The following DMRT1 variants were observed in gnomAD, a reference collection of about 807,000 sequenced individuals.
DMRT1 encodes doublesex- and mab-3-related transcription factor 1.
In DMRT1, 7 loss-of-function variants were observed where a neutral mutation model predicts 32.3. That is an observed-to-expected ratio of 0.22 (90% CI 0.12 to 0.41). The LOEUF (loss-of-function observed/expected upper bound fraction) is 0.41. Ranked by LOEUF, DMRT1 falls within the 10% of genes least tolerant of loss-of-function variation. The pLI is 1.00. For missense variants in DMRT1, 625 were observed against 500.5 expected (o/e 1.25, Z -2.37); for synonymous variants, 278 against 206.1 (o/e 1.35, Z -2.99).
intron 3 of DMRT1, among the ~76,000 whole-genome samples, chr9:900,891 G>A (rs1038297379): frequency 1.3e-5 from 2 of 151,930 alleles, no homozygotes; most frequent in African/African-American, 4.8e-5. Context: ...GGGGGTCTCA[G>A]TGTGGTGCCG....
intron 4 of DMRT1, among the ~76,000 whole-genome samples, chr9:943,698 G>A (rs771448928): frequency 1.3e-5 from 2 of 152,150 alleles, no homozygotes; most frequent in Non-Finnish European, 2.9e-5. Flanking sequence ...AGGTCAGGGA[G>A]GAGTGTTGGA....
chr9:936,551 A>G (rs1818891389), intron 4 of DMRT1, among the ~76,000 whole-genome samples: 1 of 152,112 alleles, frequency 6.6e-6, no homozygotes, highest in Non-Finnish European at 1.5e-5. Flanking sequence ...CAGGAGTTCG[A>G]GACCAGCCTG....
At chr9:862,695 G>C (rs1354188597) in intron 2 of DMRT1, among the ~76,000 whole-genome samples, 1 of 152,078 alleles carries the variant, frequency 6.6e-6, no homozygotes, top group African/African-American at 2.4e-5. Context: ...AGAAAGGCTG[G>C]GACGGGAAGT....
Position 910,819 on chromosome 9 carries a change from CCACTGCT to C in DMRT1, c.823-5943_823-5937del, listed in dbSNP as rs1586605456. On this transcript the variant is annotated intron_variant, in intron 3 of 4. Transcript: ENST00000382276. ...AAACATGCCTCTTGCTTGCCAGTGA[CCACTGCT>C]AATAATAATAGTAGTCATCATTCAC... Among the ~76,000 whole-genome samples, 6 of 152,088 alleles carry C rather than the reference CCACTGCT, an allele frequency of 3.9e-5. No individual in the cohort carries two copies. The East Asian group carries it at 9.6e-4, about 24-fold the overall frequency.
At chr9:891,951 G>C (rs914869720) in intron 2 of DMRT1, among the ~76,000 whole-genome samples, 3 of 152,220 alleles carry the variant, frequency 2.0e-5, no homozygotes, top group Non-Finnish European at 4.4e-5. Flanking sequence ...GGACACAGTG[G>C]TGTGCCCGGA....
chr9:874,838 C>T (rs564852399), intron 2 of DMRT1, among the ~76,000 whole-genome samples: 20 of 130,880 alleles, frequency 1.5e-4, no homozygotes, highest in East Asian at 7.1e-4. Context: ...GATGGAGTCT[C>T]GCTCTGTCAC....
chr9:896,252 T>C (rs1817355604), intron 3 of DMRT1, among the ~76,000 whole-genome samples: 1 of 151,774 alleles, frequency 6.6e-6, no homozygotes, highest in Non-Finnish European at 1.5e-5. Context: ...AGTAAGAACA[T>C]TTTAAACTGA....
In DMRT1 at chr9:892,499, C is replaced by T. The variant is rs115197554; in HGVS notation, c.539-1413C>T. Among the ~76,000 whole-genome samples, 913 of 152,268 alleles carry T rather than the reference C, an allele frequency of 6.0e-3. 14 individuals are homozygous for T. The highest frequency in any genetic ancestry group is 0.021 in the African/African-American group (877 of 41,552). On this transcript the variant is annotated intron_variant, in intron 2 of 4. Transcript: ENST00000382276. ...ATCTTAATTCCTGGCAGCCCCTCAG[C>T]CCTCCAGTTCTGTTGCGTTTCATCC...
intron 4 of DMRT1, among the ~76,000 whole-genome samples, chr9:941,334 C>CG (rs796418617): frequency 8.4e-6 from 1 of 118,724 alleles, no homozygotes; most frequent in African/African-American, 4.5e-5. Context: ...CCCCCTCCCC[C>CG]CCCCCACACA....
chr9:872,674 C>G (rs997682644), intron 2 of DMRT1, among the ~76,000 whole-genome samples: 1 of 152,160 alleles, frequency 6.6e-6, no homozygotes, highest in Non-Finnish European at 1.5e-5. Context: ...CTTTTTATTA[C>G]TTATCAGTAT....
intron 2 of DMRT1, among the ~76,000 whole-genome samples, chr9:848,552 CTTTT>C (rs143346289): frequency 3.1e-5 from 3 of 97,014 alleles, no homozygotes; most frequent in Non-Finnish European, 4.2e-5. Flanking sequence ...TGTTTCCTTT[CTTTT>C]TTTTTTTTTT....
At chr9:851,934 A>G (rs962524002) in intron 2 of DMRT1, among the ~76,000 whole-genome samples, 6 of 132,352 alleles carry the variant, frequency 4.5e-5, no homozygotes, top group Admixed American at 4.1e-4. Flanking sequence ...GTTAGCAGGT[A>G]CACTTTTTTT....
chr9:849,006 GGATGTGTCACATGA>G (rs1477717647), intron 2 of DMRT1, among the ~76,000 whole-genome samples: 1 of 150,624 alleles, frequency 6.6e-6, no homozygotes, highest in Non-Finnish European at 1.5e-5. Context: ...ATGAGAAATG[GGATGTGTCACATGA>G]GTAAAGAGGG....
chr9:921,898 G>A (rs1025686378), intron 4 of DMRT1, among the ~76,000 whole-genome samples: 5 of 152,084 alleles, frequency 3.3e-5, no homozygotes, highest in Admixed American at 1.3e-4. Context: ...ACTGCATCAC[G>A]ACACAGCCCT....
chr9:844,719 CTTT>C (rs35980858), intron 1 of DMRT1, among the ~76,000 whole-genome samples: 6 of 116,892 alleles, frequency 5.1e-5, no homozygotes, highest in South Asian at 2.8e-4. Flanking sequence ...TTCTTTCTTT[CTTT>C]TTTTTTTTTT....
chr9:888,519 C>T (rs368636419), intron 2 of DMRT1, among the ~76,000 whole-genome samples: 8 of 152,134 alleles, frequency 5.3e-5, no homozygotes, highest in Non-Finnish European at 7.4e-5. Flanking sequence ...AGGTTGGTCT[C>T]GAACTCCTGG....
chr9:873,564 C>G (rs997246697), intron 2 of DMRT1, among the ~76,000 whole-genome samples: 3 of 152,098 alleles, frequency 2.0e-5, no homozygotes, highest in African/African-American at 7.2e-5. Flanking sequence ...GGTGATCCAC[C>G]CGCCTTGGCC....
intron 2 of DMRT1, among the ~76,000 whole-genome samples, chr9:854,716 C>T (rs1424562543): frequency 2.7e-5 from 4 of 150,804 alleles, no homozygotes; most frequent in Non-Finnish European, 5.9e-5. Flanking sequence ...AAAAACATTC[C>T]CAAATTTTAC....
chr9:902,640 C>A (rs1817633341), intron 3 of DMRT1, among the ~76,000 whole-genome samples: 1 of 151,806 alleles, frequency 6.6e-6, no homozygotes, highest in Non-Finnish European at 1.5e-5. Context: ...AGGCACACGC[C>A]ACCATACCCA....
Sources: allele counts gnomAD v4.1 joint callset (sites outside exome capture counted in the v4.1 genomes callset), GRCh38; gene constraint gnomAD v4.1.1; transcripts MANE v1.5; gene names NCBI Gene and HGNC (gene_info 2026-07-23, HGNC 2026-07-21).